FHOD3: variants seen among roughly 807,000 people sequenced by gnomAD.
FHOD3 encodes the protein formin homology 2 domain containing 3.
A neutral mutation model predicts 173.0 loss-of-function variants in FHOD3; 90 were observed. That is an observed-to-expected ratio of 0.52 (90% CI 0.44 to 0.62). The LOEUF (loss-of-function observed/expected upper bound fraction) is 0.62. Among genes scored for constraint, FHOD3 ranks in the 20% least tolerant of loss-of-function variants. The pLI is 0.00. For synonymous variants in FHOD3, 828 were observed against 823.0 expected (o/e 1.01, Z -0.10); for missense variants, 1,945 against 2,034.7 (o/e 0.96, Z 0.85).
intron 3 of FHOD3, among the ~76,000 whole-genome samples, chr18:36,395,235 T>A (rs2048496480): frequency 6.6e-6 from 1 of 150,658 alleles, no homozygotes. Flanking sequence ...GAGAATGGCA[T>A]GAACCTGGGA....
chr18:36,678,307 A>G (rs1035004131), intron 14 of FHOD3, among the ~76,000 whole-genome samples: 7 of 152,100 alleles, frequency 4.6e-5, no homozygotes, highest in African/African-American at 1.4e-4. Flanking sequence ...TGGGAGGCCA[A>G]GGCAGGATTG....
At chr18:36,516,357 G>A (rs2055974973) in intron 5 of FHOD3, among the ~76,000 whole-genome samples, 1 of 152,170 alleles carries the variant, frequency 6.6e-6, no homozygotes, top group Non-Finnish European at 1.5e-5. Context: ...CACAGAGGTC[G>A]GCCATGAGGT....
At chr18:36,535,836 G>A (rs1307625072) in intron 5 of FHOD3, among the ~76,000 whole-genome samples, 1 of 152,120 alleles carries the variant, frequency 6.6e-6, no homozygotes, top group Non-Finnish European at 1.5e-5. Flanking sequence ...AACTTTTCCT[G>A]TAGAGAGCCA....
chr18:36,451,500 G>A (rs2051841191), intron 3 of FHOD3, among the ~76,000 whole-genome samples: 1 of 152,176 alleles, frequency 6.6e-6, no homozygotes, highest in Non-Finnish European at 1.5e-5. Context: ...GCTGCCAGAG[G>A]GCAACATCCA....
chr18:36,392,161 C>G (rs2146494800), intron 3 of FHOD3, among the ~76,000 whole-genome samples: 1 of 152,268 alleles, frequency 6.6e-6, no homozygotes, highest in East Asian at 1.9e-4. Context: ...CATTTTCTTA[C>G]CTGTAAAATG....
intron 9 of FHOD3, among the ~76,000 whole-genome samples, chr18:36,614,436 T>G (rs2032999815): frequency 6.6e-6 from 1 of 152,250 alleles, no homozygotes; most frequent in South Asian, 2.1e-4. Flanking sequence ...TTTTGGCTAT[T>G]ATGAATAATG....
At chr18:36,571,771 A>C (rs913671676) in intron 5 of FHOD3, among the ~76,000 whole-genome samples, 1 of 152,218 alleles carries the variant, frequency 6.6e-6, no homozygotes, top group African/African-American at 2.4e-5. Context: ...CTCTTTAACA[A>C]ATGGCATTAG....
intron 24 of FHOD3, among the ~76,000 whole-genome samples, chr18:36,748,956 T>A (rs1271276736): frequency 6.6e-6 from 1 of 150,826 alleles, no homozygotes; most frequent in Non-Finnish European, 1.5e-5. Context: ...TTTTTTTTTT[T>A]AAACTTAACA....
chr18:36,736,309 C>T (rs2041627790), intron 20 of FHOD3, among the ~76,000 whole-genome samples: 1 of 152,234 alleles, frequency 6.6e-6, no homozygotes, highest in Non-Finnish European at 1.5e-5. Context: ...AATGTTAACT[C>T]AGTTGGCCCT....
At chr18:36,358,202 C>G (rs1015608708) in intron 2 of FHOD3, among the ~76,000 whole-genome samples, 10 of 152,222 alleles carry the variant, frequency 6.6e-5, no homozygotes, top group African/African-American at 2.4e-4. Flanking sequence ...CCAGGGGCTT[C>G]TGGGCAAAGG....
At chr18:36,482,862 G>C (rs62086186) in intron 3 of FHOD3, among the ~76,000 whole-genome samples, 11,963 of 37,028 alleles carry the variant, frequency 0.32, 720 homozygotes, top group East Asian at 0.57. Context: ...CACACACAGA[G>C]AGAGAGAGAG....
chr18:36,595,318 C>CT (rs2148368278), intron 7 of FHOD3, among the ~76,000 whole-genome samples: 1 of 152,254 alleles, frequency 6.6e-6, no homozygotes, highest in Non-Finnish European at 1.5e-5. Context: ...CCTGCCCTGC[C>CT]TTACTCAGGC....
chr18:36,621,399 G>T (rs77632965), intron 9 of FHOD3, among the ~76,000 whole-genome samples: 18,391 of 152,224 alleles, frequency 0.12, 1,171 homozygotes, highest in Non-Finnish European at 0.14. Flanking sequence ...TGTTCCTGAT[G>T]TTTTGGGTTA....
At chr18:36,558,867 C>A (rs569436872) in intron 5 of FHOD3, among the ~76,000 whole-genome samples, 3 of 152,278 alleles carry the variant, frequency 2.0e-5, no homozygotes, top group African/African-American at 4.8e-5. Flanking sequence ...TCAAAGAGAA[C>A]GGGCTGCCTT....
chr18:36,776,046 C>T (rs888143507), intron 28 of FHOD3, among the ~76,000 whole-genome samples: 4 of 152,140 alleles, frequency 2.6e-5, no homozygotes, highest in African/African-American at 7.2e-5. Flanking sequence ...CGCAGCCAGC[C>T]GACCTTGCCA....
intron 3 of FHOD3, among the ~76,000 whole-genome samples, chr18:36,452,267 T>G (rs2051902586): frequency 6.6e-6 from 1 of 152,066 alleles, no homozygotes; most frequent in Non-Finnish European, 1.5e-5. Context: ...CTAACAGTAG[T>G]TTTTCTTGGA....
intron 16 of FHOD3, among the ~76,000 whole-genome samples, chr18:36,688,355 A>G (rs748372554): frequency 1.3e-5 from 2 of 152,258 alleles, no homozygotes; most frequent in Non-Finnish European, 2.9e-5. Flanking sequence ...CACCAGCTAA[A>G]TACATCAGGA....
rs571943756 is a variant in FHOD3 at position 36,757,519 on chromosome 18, A to G, written c.4426-1599A>G. Among the ~76,000 whole-genome samples, 40 of 152,366 alleles carry G rather than the reference A, an allele frequency of 2.6e-4. 1 individual carries two copies. The South Asian group carries it at 8.3e-3, about 32-fold the overall frequency. ...TAAACCACTGAAAACAAAGCCAGAC[A>G]GTAGACTTAGAATCACGGACCCCCT... is the stretch of plus-strand genomic sequence containing the variant. On this transcript the variant is annotated intron_variant, in intron 25 of 28. Coordinates refer to ENST00000590592, the MANE Select transcript of FHOD3 (RefSeq NM_001281740.3).
chr18:36,355,772 G>A, intron 2 of FHOD3, 127 bp downstream of exon 2: 4 of 741,520 alleles, frequency 5.4e-6, no homozygotes, highest in Admixed American at 2.6e-5. Flanking sequence ...AATCACACAC[G>A]AGGGAGATGC....
Sources: allele counts gnomAD v4.1 joint callset (sites outside exome capture counted in the v4.1 genomes callset), GRCh38; gene constraint gnomAD v4.1.1; transcripts MANE v1.5; gene names NCBI Gene and HGNC (gene_info 2026-07-23, HGNC 2026-07-21).